Variants in VWDE observed in about 807,000 individuals in gnomAD.
VWDE encodes von Willebrand factor D and EGF domains, also known as von Willebrand factor D and EGF domain-containing protein.
VWDE carries 207 observed loss-of-function variants against 178.4 expected under a neutral mutation model. The observed-to-expected ratio is 1.16, with a 90% CI of 1.04 to 1.30. The LOEUF (loss-of-function observed/expected upper bound fraction) is 1.30, where lower values mean the gene tolerates loss of function less well. VWDE is among the 50% of genes most tolerant of loss of function. The probability of loss-of-function intolerance (pLI) is 0.00; values close to 1 mark genes in which losing one functional copy is unlikely to be tolerated. For synonymous variants in VWDE, 738 were observed against 651.4 expected (o/e 1.13, Z -2.02); for missense variants, 2,287 against 1,901.3 (o/e 1.20, Z -3.77).
intron 10 of VWDE, among the ~76,000 whole-genome samples, chr7:12,371,560 C>G (rs2128555976): frequency 6.6e-6 from 1 of 152,124 alleles, no homozygotes; most frequent in Middle Eastern, 3.4e-3. Context: ...GTTGTTTTTC[C>G]CCTTTTAATT....
chr7:12,333,621 G>T, intron 27 of VWDE, 53 bp from the exon 28 acceptor site: 1 of 1,258,404 alleles, frequency 7.9e-7, no homozygotes, highest in Admixed American at 2.0e-5. Flanking sequence ...AATGCTTGTG[G>T]CATATTCTAT....
intron 4 of VWDE, among the ~76,000 whole-genome samples, chr7:12,382,178 G>A (rs1298013596): frequency 6.6e-6 from 1 of 151,470 alleles, no homozygotes; most frequent in East Asian, 1.9e-4. Context: ...AATTTGCATA[G>A]CAGAGTTTTT....
intron 3 of VWDE, 136 bp from the exon 4 acceptor site, chr7:12,383,737 CA>C (rs751113070): frequency 1.2e-5 from 9 of 729,130 alleles, no homozygotes; most frequent in Admixed American, 3.2e-5. Context: ...TATTTCATAA[CA>C]TTTTTTTCCT....
chr7:12,336,274 T>A, intron 26 of VWDE, 38 bp from the exon 27 acceptor site: 1 of 1,511,816 alleles, frequency 6.6e-7, no homozygotes, highest in South Asian at 1.2e-5. Flanking sequence ...AATTTTAAAT[T>A]ACTAGTCAAA....
chr7:12,369,939 T>A lies in VWDE; in HGVS notation c.2367A>T (p.Gln789His). ...FPEDHAEDVQQEFFPSWPTPS... is the reference protein window; with the variant it reads ...FPEDHAEDVQHEFFPSWPTPS... The stretch of plus-strand genomic sequence containing the variant: ...GAGTGGGCCAAGAGGGGAAAAACTC[T>A]TGCTGTACATCCTCAGCATGGTCCT... Residue 789 changes from glutamine to histidine, a missense_variant, in exon 12 of 29, where the codon CAA becomes CAT. Coordinates refer to ENST00000275358, the MANE Select transcript of VWDE (RefSeq NM_001135924.3). 1.3e-6 allele frequency: 2 copies of A among 1,551,462 alleles called. No homozygotes were observed. Among genetic ancestry groups the A allele is most frequent in the Non-Finnish European group, 1.7e-6 (2 of 1,146,860 alleles).
rs1296594262 is a variant in VWDE at position 12,375,087 on chromosome 7, T to C, written c.1165A>G (p.Arg389Gly). Reference sequence around the variant, plus strand: ...GGTTGCACTACAATGTTTGAGACTCTATCTCCATCTCGAGAAAAATCTGTG... The same window carrying C: ...GGTTGCACTACAATGTTTGAGACTCCATCTCCATCTCGAGAAAAATCTGTG... Reference protein sequence around the residue: ...AVTDFSRDGDRVSNIVVQPIV... With the variant: ...AVTDFSRDGDGVSNIVVQPIV... The change falls in exon 8 of 29, where the codon AGA (arginine) becomes GGA (glycine). Residue 389 changes from arginine to glycine, a missense_variant. By Grantham distance (125) the Arg-to-Gly change is moderately radical. Transcript: ENST00000275358. The C allele has an allele frequency of 1.3e-6, 2 of 1,551,312 alleles. No individual in the cohort carries two copies. The highest frequency in any genetic ancestry group is 3.9e-5 in the Admixed American group (2 of 50,952).
Position 12,375,246 on chromosome 7 carries a change from G to C in VWDE, c.1025-19C>G. 5 of 1,537,732 alleles carry C rather than the reference G, an allele frequency of 3.3e-6. No homozygotes were observed. The highest frequency in any genetic ancestry group is 4.4e-6 in the Non-Finnish European group (5 of 1,136,380). On this transcript the variant is annotated intron_variant, in intron 7 of 28. Coordinates refer to ENST00000275358, the MANE Select transcript of VWDE (RefSeq NM_001135924.3). ...TCTCTACCTATTTAATGAAAAAATA[G>C]GTTTAAAAATTTCCAAGAGAATATA... is the stretch of plus-strand genomic sequence containing the variant.
At position 12,352,841 on chromosome 7, in the gene VWDE, G is replaced by A. The variant is rs188636067; in HGVS notation, c.3746-1128C>T. Among the ~76,000 whole-genome samples the A allele has an allele frequency of 6.0e-4, 91 of 152,202 alleles. 1 individual carries two copies. Among genetic ancestry groups the A allele is most frequent in the East Asian group, 5.8e-4 (3 of 5,180 alleles). ...CTTCAACACTGTCTTCTATAACTTA[G>A]TTTTTTCTCTTTTAATCTTTTAAAA... On this transcript the variant is annotated intron_variant, in intron 18 of 28. Transcript: ENST00000275358.
intron 27 of VWDE, 100 bp from the exon 28 acceptor site, chr7:12,333,668 A>G (rs954632672): frequency 9.5e-6 from 7 of 735,894 alleles, no homozygotes; most frequent in Non-Finnish European, 1.7e-5. Context: ...TTGGACACCA[A>G]TGCAGTCATA....
At chr7:12,364,024 T>C (rs561576256) in intron 13 of VWDE, among the ~76,000 whole-genome samples, 3 of 152,110 alleles carry the variant, frequency 2.0e-5, no homozygotes, top group South Asian at 2.1e-4. Context: ...GACTTACATA[T>C]ACATTTAGAT....
chr7:12,365,247 C>T (rs774056486), intron 13 of VWDE, among the ~76,000 whole-genome samples: 7 of 151,996 alleles, frequency 4.6e-5, no homozygotes, highest in Middle Eastern at 6.8e-3. Context: ...AGAACAAGGT[C>T]TGTAAATTTG....
chr7:12,366,898 T>G (rs1049710402), intron 13 of VWDE, among the ~76,000 whole-genome samples: 1 of 152,082 alleles, frequency 6.6e-6, no homozygotes, highest in African/African-American at 2.4e-5. Flanking sequence ...TTTAGAAAGA[T>G]AAATACTATT....
At chr7:12,398,698 C>A (rs1318334155) in intron 1 of VWDE, among the ~76,000 whole-genome samples, 1 of 152,122 alleles carries the variant, frequency 6.6e-6, no homozygotes, top group African/African-American at 2.4e-5. Context: ...ATACACCATG[C>A]AGCACTATGA....
At chr7:12,352,921 C>T (rs1242315353) in intron 18 of VWDE, among the ~76,000 whole-genome samples, 1 of 152,064 alleles carries the variant, frequency 6.6e-6, no homozygotes, top group East Asian at 1.9e-4. Flanking sequence ...AAGGGTTTTC[C>T]TGGACAATTC....
chr7:12,347,472 G>C (rs1003753319), intron 19 of VWDE, among the ~76,000 whole-genome samples: 2 of 151,866 alleles, frequency 1.3e-5, no homozygotes, highest in Non-Finnish European at 2.9e-5. Context: ...GAAGATATTG[G>C]CCTTACAGAT....
chr7:12,370,365 G>T lies in VWDE; in HGVS notation c.1941C>A (p.Ala647=), dbSNP rs761543216. The change falls in exon 12 of 29, where the codon GCC becomes GCA. Residue 647 remains alanine, a synonymous_variant. Transcript: ENST00000275358. ...DLDSVSRSEI[A]LGCKDLNHVS... ...CATGATTGAGGTCTTTGCAACCCAA[G>T]GCAATTTCTGATCGAGAAACACTGT... The T allele has an allele frequency of 1.9e-6, 3 of 1,550,878 alleles. No individual in the cohort carries two copies. The African/African-American group carries it at 4.1e-5, about 21-fold the overall frequency.
intron 6 of VWDE, among the ~76,000 whole-genome samples, 189 bp downstream of exon 6, chr7:12,379,285 AGTT>A (rs1783704230): frequency 6.6e-6 from 1 of 151,162 alleles, no homozygotes; most frequent in Admixed American, 6.6e-5. Context: ...TCTCAACTTT[AGTT>A]AACAAGACCC....
intron 15 of VWDE, 110 bp downstream of exon 15, chr7:12,361,037 T>C: frequency 3.2e-6 from 2 of 621,686 alleles, no homozygotes; most frequent in Non-Finnish European, 5.3e-6. Context: ...GGCTTTTCTC[T>C]ATTAGTTTTT....
At chr7:12,397,055 A>AG (rs1784662279) in intron 1 of VWDE, among the ~76,000 whole-genome samples, 1 of 152,002 alleles carries the variant, frequency 6.6e-6, no homozygotes, top group African/African-American at 2.4e-5. Flanking sequence ...TTACAAAATT[A>AG]GAAAAAAAAA....
Sources: gnomAD v4.1 joint callset for allele counts (sites outside exome capture counted in the v4.1 genomes callset) on GRCh38, gnomAD v4.1.1 for gene constraint, MANE v1.5 for transcripts, NCBI Gene and HGNC (gene_info 2026-07-23, HGNC 2026-07-21) for gene names.